The following SSBP2 variants were observed in gnomAD, a reference collection of about 807,000 sequenced individuals.
The protein encoded by SSBP2 is single stranded DNA binding protein 2.
SSBP2 carries 17 observed loss-of-function variants against 61.8 expected under a neutral mutation model. That is an observed-to-expected ratio of 0.28 (90% CI 0.19 to 0.41). SSBP2 has a LOEUF of 0.41. SSBP2 is among the 10% of genes least tolerant of loss of function. The probability of loss-of-function intolerance (pLI) is 1.00; values close to 1 mark genes in which losing one functional copy is unlikely to be tolerated. For synonymous variants in SSBP2, 139 were observed against 141.3 expected, an observed-to-expected ratio of 0.98 and a Z score of 0.12; for missense variants, 310 against 458.7, an observed-to-expected ratio of 0.68 and a Z score of 2.96.
At chr5:81,606,971 A>G (rs1287090954) in intron 4 of SSBP2, among the ~76,000 whole-genome samples, 1 of 152,200 alleles carries the variant, frequency 6.6e-6, no homozygotes. Flanking sequence ...TACAGCTATG[A>G]TAAGATTTGT....
intron 3 of SSBP2, among the ~76,000 whole-genome samples, chr5:81,630,638 A>G (rs896473119): frequency 1.3e-4 from 20 of 152,126 alleles, no homozygotes; most frequent in Non-Finnish European, 1.9e-4. Flanking sequence ...TCTACAGCTG[A>G]GTAAAAATTA....
chr5:81,615,504 T>C lies in SSBP2; in HGVS notation c.251A>G (p.His84Arg), dbSNP rs759482204. 6.2e-7 allele frequency: 1 copy of C among 1,613,822 alleles called. No homozygotes were observed. The highest frequency in any genetic ancestry group is 2.2e-5 in the East Asian group (1 of 44,810). ...ATGGAAGGCTTTTGCTTCACTTGAG[T>C]GTTCACATGTTTCACGTCTCTCTGG... Residue 84 changes from histidine (H) to arginine (R), a missense_variant, in exon 4 of 17, where the codon CAC becomes CGC. Physicochemically the swap from His to Arg is conservative, Grantham distance 29. This residue lies in a region of SSBP2 where 209 missense variants were observed against 286.4 expected (regional missense o/e 0.73). Transcript: ENST00000320672.
chr5:81,655,549 T>A (rs976757558), intron 1 of SSBP2, among the ~76,000 whole-genome samples: 6 of 152,166 alleles, frequency 3.9e-5, no homozygotes, highest in Non-Finnish European at 8.8e-5. Flanking sequence ...GACCAACAAT[T>A]CTAGAGAGGG....
chr5:81,573,419 G>A (rs1773975238), intron 4 of SSBP2, among the ~76,000 whole-genome samples: 1 of 152,226 alleles, frequency 6.6e-6, no homozygotes, highest in Non-Finnish European at 1.5e-5. Flanking sequence ...TTTTTAATAA[G>A]CTTATAATTC....
intron 1 of SSBP2, among the ~76,000 whole-genome samples, chr5:81,653,993 G>GTTTTTTT: frequency 7.9e-6 from 1 of 126,792 alleles, no homozygotes; most frequent in African/African-American, 2.5e-5. Flanking sequence ...GGTGTTTTTT[G>GTTTTTTT]TTTTGTTTTT....
chr5:81,597,569 T>A, intron 4 of SSBP2, among the ~76,000 whole-genome samples: 1 of 152,128 alleles, frequency 6.6e-6, no homozygotes, highest in Non-Finnish European at 1.5e-5. Context: ...GTATGTTTAC[T>A]GCGGCACTAT....
At chr5:81,668,273 A>AAC (rs1554108869) in intron 1 of SSBP2, among the ~76,000 whole-genome samples, 2 of 130,104 alleles carry the variant, frequency 1.5e-5, no homozygotes, top group African/African-American at 6.1e-5. Context: ...AAAAAAAAAA[A>AAC]CAGGAAAAAG....
chr5:81,596,735 G>C (rs1241462374), intron 4 of SSBP2, among the ~76,000 whole-genome samples: 2 of 89,248 alleles, frequency 2.2e-5, no homozygotes, highest in East Asian at 6.4e-4. Flanking sequence ...ACAAGAAATG[G>C]GGAAAGGATT....
At chr5:81,750,240 C>T (rs1757640562) in intron 1 of SSBP2, among the ~76,000 whole-genome samples, 1 of 143,610 alleles carries the variant, frequency 7.0e-6, no homozygotes, top group Admixed American at 6.8e-5. Flanking sequence ...CGCCCACCCG[C>T]CCCCGCCCCC....
chr5:81,627,122 ATTAAC>A (rs977556424), intron 3 of SSBP2, among the ~76,000 whole-genome samples: 1 of 152,224 alleles, frequency 6.6e-6, no homozygotes. Flanking sequence ...AAGTTTTCTA[ATTAAC>A]TTGAGTAACA....
At chr5:81,658,536 G>A (rs1434304146) in intron 1 of SSBP2, among the ~76,000 whole-genome samples, 5 of 152,044 alleles carry the variant, frequency 3.3e-5, no homozygotes, top group African/African-American at 1.2e-4. Context: ...ATGCTATACA[G>A]TTATACTTTT....
At chr5:81,455,096 A>T (rs1339204965) in intron 10 of SSBP2, among the ~76,000 whole-genome samples, 3 of 152,174 alleles carry the variant, frequency 2.0e-5, no homozygotes, top group Non-Finnish European at 4.4e-5. Flanking sequence ...AAGTATAAGG[A>T]TAGAAATACG....
Position 81,478,567 on chromosome 5 carries a change from G to C in SSBP2, c.433-4005C>G, listed in dbSNP as rs193131847. 4.6e-5 allele frequency among the ~76,000 whole-genome samples: 7 copies of C among 152,176 alleles called. No homozygotes were observed. In the East Asian group the frequency reaches 1.2e-3, roughly 25 times the overall value. On this transcript the variant is annotated intron_variant, in intron 6 of 16. Coordinates refer to ENST00000320672, the MANE Select transcript of SSBP2 (RefSeq NM_012446.5). ...TTGGCCAGGCTGGTCTTGAACTCCT[G>C]ACCTCATCATCGGCCCGTCTCAGCC...
intron 7 of SSBP2, 61 bp from the exon 8 acceptor site, chr5:81,473,831 C>G: frequency 7.0e-7 from 1 of 1,435,972 alleles, no homozygotes; most frequent in Non-Finnish European, 9.8e-7. Context: ...CAGAGGCTAG[C>G]AGCTTCCTCC....
chr5:81,438,468 A>G (rs935899703), intron 14 of SSBP2, among the ~76,000 whole-genome samples: 3 of 152,200 alleles, frequency 2.0e-5, no homozygotes, highest in Non-Finnish European at 2.9e-5. Context: ...TTTTCCTAGC[A>G]TAAAAATAAT....
chr5:81,638,324 T>C (rs1163969283), intron 2 of SSBP2, among the ~76,000 whole-genome samples: 1 of 148,948 alleles, frequency 6.7e-6, no homozygotes, highest in Non-Finnish European at 1.5e-5. Context: ...AAAAAATAAA[T>C]AACCTGATTT....
intron 12 of SSBP2, among the ~76,000 whole-genome samples, chr5:81,446,529 T>C (rs1763411531): frequency 6.6e-6 from 1 of 152,184 alleles, no homozygotes; most frequent in Admixed American, 6.5e-5. Context: ...TCCATGTATT[T>C]AATGTTTTAT....
intron 5 of SSBP2, among the ~76,000 whole-genome samples, chr5:81,504,541 C>T (rs760764650): frequency 9.9e-5 from 15 of 152,158 alleles, no homozygotes; most frequent in Non-Finnish European, 1.5e-4. Flanking sequence ...ACTTTTCCCC[C>T]AGATATTACA....
chr5:81,420,584 C>G (rs1306033255), intron 16 of SSBP2, 51 bp from the exon 17 acceptor site: 3 of 1,480,148 alleles, frequency 2.0e-6, no homozygotes, highest in Non-Finnish European at 2.8e-6. Context: ...TTAGAGATCA[C>G]TAAGGTTCTT....
Sources: gnomAD v4.1 joint callset for allele counts (sites outside exome capture counted in the v4.1 genomes callset) on GRCh38, gnomAD v4.1.1 for gene constraint, gnomAD v4.1.1 regional missense constraint, MANE v1.5 for transcripts, NCBI Gene and HGNC (gene_info 2026-07-23, HGNC 2026-07-21) for gene names.